The following TXNRD1 variants were observed in gnomAD, a reference collection of about 807,000 sequenced individuals.
The protein encoded by TXNRD1 is thioredoxin reductase 1.
TXNRD1 carries 57 observed loss-of-function variants against 80.3 expected under a neutral mutation model. The ratio of observed to expected loss-of-function variants is 0.71; its 90% confidence interval spans 0.57 to 0.89. The LOEUF (loss-of-function observed/expected upper bound fraction) is 0.89. Among genes scored for constraint, TXNRD1 ranks in the 40% least tolerant of loss-of-function variants. TXNRD1 has a pLI of 0.00. For missense variants in TXNRD1, 730 were observed against 803.0 expected (o/e 0.91, Z 1.10); for synonymous variants, 291 against 285.2 (o/e 1.02, Z -0.20).
chr12:104,224,457 C>T (rs1593679757), intron 1 of TXNRD1, among the ~76,000 whole-genome samples: 3 of 152,078 alleles, frequency 2.0e-5, no homozygotes, highest in East Asian at 3.9e-4. Context: ...GGCGCAATCT[C>T]GGCTCACTGC....
chr12:104,325,429 G>A lies in TXNRD1; in HGVS notation c.1308G>A (p.Thr436=), dbSNP rs771896901. Residue 436 remains threonine (T), a splice_region_variant and synonymous_variant, in exon 11 of 17, where the codon ACG becomes ACA. Transcript: ENST00000525566. ...SEEIIEGEYN[T]VMLAIGRDAC... is the part of the protein sequence containing the mutation. ...AAATCATTGAAGGAGAATATAATACGGTAAGGAATGGGCCCAGGTTAATAC... is the reference window on the plus strand; with the variant it reads ...AAATCATTGAAGGAGAATATAATACAGTAAGGAATGGGCCCAGGTTAATAC... 3.7e-6 allele frequency: 6 copies of A among 1,600,696 alleles called. No individual in the cohort carries two copies. Among genetic ancestry groups the A allele is most frequent in the East Asian group, 2.2e-5 (1 of 44,782 alleles).
At chr12:104,243,726 G>T (rs1390104257) in intron 1 of TXNRD1, among the ~76,000 whole-genome samples, 1 of 152,218 alleles carries the variant, frequency 6.6e-6, no homozygotes. Context: ...AGAAAGTGAA[G>T]ACAGCAGGCA....
intron 3 of TXNRD1, among the ~76,000 whole-genome samples, chr12:104,272,188 A>G (rs1333268207): frequency 1.3e-5 from 2 of 152,210 alleles, no homozygotes; most frequent in East Asian, 3.8e-4. Context: ...AGACGGAGCA[A>G]TGGTGAGCAC....
At chr12:104,342,562 G>A (rs1029590764) in intron 16 of TXNRD1, among the ~76,000 whole-genome samples, 1 of 152,158 alleles carries the variant, frequency 6.6e-6, no homozygotes, top group African/African-American at 2.4e-5. Flanking sequence ...TGTACAAAAG[G>A]CCTGGGTGGG....
chr12:104,293,318 G>A lies in TXNRD1; in HGVS notation c.414+4278G>A, dbSNP rs373450869. Among the ~76,000 whole-genome samples, 19 of 152,296 alleles carry A rather than the reference G, an allele frequency of 1.2e-4. No individual in the cohort carries two copies. The South Asian group carries it at 3.9e-3, about 32-fold the overall frequency. On this transcript the variant is annotated intron_variant, in intron 4 of 16. Transcript: ENST00000525566. ...ATAAGACTAAAACTGACAACTCAGGGCTTAAATAATTTCTTCAGGGCAATA... is the reference window on the plus strand; with the variant it reads ...ATAAGACTAAAACTGACAACTCAGGACTTAAATAATTTCTTCAGGGCAATA...
chr12:104,304,251 A>C, intron 4 of TXNRD1: 2 of 1,614,068 alleles, frequency 1.2e-6, no homozygotes, highest in Non-Finnish European at 1.7e-6. Flanking sequence ...AAGGCAAAGC[A>C]GTTAAACTCA....
chr12:104,343,357 G>A (rs940703129), intron 16 of TXNRD1, among the ~76,000 whole-genome samples: 44 of 152,236 alleles, frequency 2.9e-4, no homozygotes, highest in African/African-American at 9.9e-4. Context: ...ACCATATTTG[G>A]CATAGAATTT....
intron 9 of TXNRD1, among the ~76,000 whole-genome samples, chr12:104,320,704 G>A (rs2035498433): frequency 6.6e-6 from 1 of 151,728 alleles, no homozygotes; most frequent in African/African-American, 2.4e-5. Context: ...TGTTTCAGCT[G>A]AGGACAAGCA....
intron 2 of TXNRD1, among the ~76,000 whole-genome samples, chr12:104,254,641 A>AAAAAAACAAAAC (rs1555207861): frequency 1.5e-5 from 2 of 129,590 alleles, no homozygotes; most frequent in African/African-American, 6.3e-5. Flanking sequence ...AAAAAAAAAA[A>AAAAAAACAAAAC]AAAATATATA....
At chr12:104,338,399 G>A (rs915915667) in intron 15 of TXNRD1, among the ~76,000 whole-genome samples, 18 of 151,580 alleles carry the variant, frequency 1.2e-4, no homozygotes, top group Admixed American at 3.9e-4. Context: ...AGTCATTAAA[G>A]TCTCTGGCCA....
At chr12:104,236,889 A>T (rs1475456628) in intron 1 of TXNRD1, among the ~76,000 whole-genome samples, 2 of 151,834 alleles carry the variant, frequency 1.3e-5, no homozygotes, top group Non-Finnish European at 2.9e-5. Flanking sequence ...TTTCTGGAAA[A>T]AGGCTCTTTT....
intron 13 of TXNRD1, 104 bp downstream of exon 13, chr12:104,327,775 T>C (rs750267352): frequency 5.9e-5 from 77 of 1,309,592 alleles, no homozygotes; most frequent in Non-Finnish European, 7.3e-5. Flanking sequence ...AATAATTTAG[T>C]TATTTTGGTG....
In TXNRD1 at chr12:104,338,428, C is replaced by T. The variant is rs112111355; in HGVS notation, c.1747-711C>T. Among the ~76,000 whole-genome samples the T allele has an allele frequency of 6.4e-3, 968 of 151,670 alleles. 12 individuals are homozygous for T. Among genetic ancestry groups the T allele is most frequent in the African/African-American group, 0.022 (917 of 41,436 alleles). The stretch of plus-strand genomic sequence containing the variant: ...CTGGCCATTTTTCCAGGTGCGGTGG[C>T]TCACACCTGTAATCCCAGCACTTTG... On this transcript the variant is annotated intron_variant, in intron 15 of 16. Transcript: ENST00000525566.
intron 3 of TXNRD1, among the ~76,000 whole-genome samples, chr12:104,285,719 A>C (rs569431186): frequency 6.6e-6 from 1 of 152,340 alleles, no homozygotes; most frequent in South Asian, 2.1e-4. Context: ...AGACTAAATG[A>C]GATAAAGGCA....
intron 1 of TXNRD1, among the ~76,000 whole-genome samples, chr12:104,231,600 A>T (rs2135683854): frequency 6.6e-6 from 1 of 152,292 alleles, no homozygotes; most frequent in East Asian, 1.9e-4. Flanking sequence ...TTTTGATTTG[A>T]TCTTTAAGTA....
chr12:104,317,062 C>T (rs2035355465), intron 7 of TXNRD1, among the ~76,000 whole-genome samples: 1 of 152,200 alleles, frequency 6.6e-6, no homozygotes. Context: ...TAGAAAATCA[C>T]TAACTTTTAA....
chr12:104,254,216 A>C (rs964396976), intron 2 of TXNRD1, among the ~76,000 whole-genome samples: 6 of 152,126 alleles, frequency 3.9e-5, no homozygotes, highest in Non-Finnish European at 5.9e-5. Flanking sequence ...AAATTAATTA[A>C]TATTTATAAA....
At chr12:104,329,213 T>A (rs755016289) in intron 13 of TXNRD1, among the ~76,000 whole-genome samples, 1 of 152,146 alleles carries the variant, frequency 6.6e-6, no homozygotes, top group Non-Finnish European at 1.5e-5. Flanking sequence ...TTGAATTACA[T>A]CTTGTATGCA....
At chr12:104,218,362 A>G (rs2032269321) in intron 1 of TXNRD1, among the ~76,000 whole-genome samples, 1 of 152,050 alleles carries the variant, frequency 6.6e-6, no homozygotes, top group South Asian at 2.1e-4. Flanking sequence ...ACTCGTTATA[A>G]TACAACTTGC....
Sources: allele counts gnomAD v4.1 joint callset (sites outside exome capture counted in the v4.1 genomes callset), GRCh38; gene constraint gnomAD v4.1.1; transcripts MANE v1.5; gene names NCBI Gene and HGNC (gene_info 2026-07-23, HGNC 2026-07-21).